Variants in ALK observed in about 807,000 individuals in gnomAD.
ALK encodes the protein ALK receptor tyrosine kinase.
Under a neutral mutation model 163.1 loss-of-function variants are expected in ALK, and 74 were observed. The observed-to-expected ratio is 0.45, with a 90% CI of 0.38 to 0.55. ALK has a LOEUF of 0.55. Among genes scored for constraint, ALK ranks in the 20% least tolerant of loss-of-function variants. The probability of loss-of-function intolerance (pLI) is 0.00; values close to 1 mark genes in which losing one functional copy is unlikely to be tolerated. For missense variants in ALK, 2,063 were observed against 2,105.3 expected, an observed-to-expected ratio of 0.98 and a Z score of 0.39; for synonymous variants, 960 against 843.2, an observed-to-expected ratio of 1.14 and a Z score of -2.40.
Position 29,775,028 on chromosome 2 carries a change from G to T in ALK, c.668-57331C>A, listed in dbSNP as rs529107876. 1.7e-4 allele frequency among the ~76,000 whole-genome samples: 26 copies of T among 152,292 alleles called. 2 individuals are homozygous for T. The highest frequency in any genetic ancestry group is 1.2e-3 in the Admixed American group (18 of 15,290). On this transcript the variant is annotated intron_variant, in intron 1 of 28. Transcript: ENST00000389048. Reference sequence around the variant, plus strand: ...TGCTCATGTTAAGCAGACAAATAGGGCCTAAGGGGAGAAAAGATGGAGACA... The same window carrying T: ...TGCTCATGTTAAGCAGACAAATAGGTCCTAAGGGGAGAAAAGATGGAGACA...
At chr2:29,255,536 G>A (rs935607365) in intron 11 of ALK, among the ~76,000 whole-genome samples, 1 of 152,190 alleles carries the variant, frequency 6.6e-6, no homozygotes, top group Non-Finnish European at 1.5e-5. Context: ...TCCAGGTGGA[G>A]AAACAGCATT....
intron 4 of ALK, among the ~76,000 whole-genome samples, chr2:29,497,279 G>GAAA (rs373042682): frequency 5.0e-4 from 74 of 147,978 alleles, no homozygotes; most frequent in Middle Eastern, 3.4e-3. Flanking sequence ...TCTCAAAAAA[G>GAAA]AAAAAAAAAA....
chr2:29,686,428 T>C (rs1241670836), intron 3 of ALK, among the ~76,000 whole-genome samples: 1 of 152,152 alleles, frequency 6.6e-6, no homozygotes, highest in Admixed American at 6.5e-5. Flanking sequence ...TGGTAGAGAT[T>C]TCTGTGCCTC....
intron 4 of ALK, among the ~76,000 whole-genome samples, chr2:29,445,875 G>A (rs1179544685): frequency 3.3e-5 from 5 of 150,928 alleles, no homozygotes; most frequent in Admixed American, 1.3e-4. Context: ...CGAGGCGGGC[G>A]GATCACGAGG....
intron 5 of ALK, among the ~76,000 whole-genome samples, chr2:29,331,050 A>G (rs559957093): frequency 1.3e-5 from 2 of 152,192 alleles, no homozygotes; most frequent in African/African-American, 2.4e-5. Context: ...CTGAAATCCC[A>G]GACAGCCGAG....
intron 3 of ALK, among the ~76,000 whole-genome samples, chr2:29,687,399 A>G (rs1678270000): frequency 6.6e-6 from 1 of 151,984 alleles, no homozygotes; most frequent in Admixed American, 6.6e-5. Context: ...CTGCTTGCCT[A>G]CTGCATCCTA....
intron 1 of ALK, among the ~76,000 whole-genome samples, chr2:29,786,320 C>T (rs895866743): frequency 2.0e-5 from 3 of 152,156 alleles, no homozygotes; most frequent in African/African-American, 7.2e-5. Context: ...ACATGAGTGG[C>T]ACTCTCTAAC....
chr2:29,424,201 A>C (rs371829038), intron 4 of ALK, among the ~76,000 whole-genome samples: 3 of 152,222 alleles, frequency 2.0e-5, no homozygotes, highest in East Asian at 3.8e-4. Context: ...CCAATAGATC[A>C]ATGTATGTGT....
rs1213067837 is a variant in ALK at position 29,758,005 on chromosome 2, CTTTTTTTTTTTTT to C, written c.668-40321_668-40309del. Among the ~76,000 whole-genome samples, 165 of 105,006 alleles carry C rather than the reference CTTTTTTTTTTTTT, an allele frequency of 1.6e-3. 1 individual carries two copies. Among genetic ancestry groups the C allele is most frequent in the African/African-American group, 7.0e-3 (145 of 20,628 alleles). The allele number at this position is 105,006 out of a possible 152,430, so 68.9% of individuals were successfully genotyped here. Reference sequence around the variant, plus strand: ...GATATTCACACCTTACCCGCATCCTCTTTTTTTTTTTTTTTTTTTTTTTGAGACAGAGTCTCAC... The same window carrying C: ...GATATTCACACCTTACCCGCATCCTCTTTTTTTTTTGAGACAGAGTCTCAC... On this transcript the variant is annotated intron_variant, in intron 1 of 28. Coordinates refer to ENST00000389048, the MANE Select transcript of ALK (RefSeq NM_004304.5).
chr2:29,288,408 G>A (rs1387885504), intron 9 of ALK, among the ~76,000 whole-genome samples: 1 of 152,172 alleles, frequency 6.6e-6, no homozygotes, highest in African/African-American at 2.4e-5. Context: ...TGTGCCTGGT[G>A]TGCTCCTACA....
intron 4 of ALK, among the ~76,000 whole-genome samples, chr2:29,485,307 T>A (rs116441695): frequency 1.9e-3 from 289 of 152,354 alleles, no homozygotes; most frequent in African/African-American, 6.5e-3. Context: ...CCAGAGTTCA[T>A]CTTATCTGCT....
intron 4 of ALK, among the ~76,000 whole-genome samples, chr2:29,521,564 G>T (rs377550159): frequency 2.0e-5 from 3 of 152,224 alleles, no homozygotes; most frequent in East Asian, 1.9e-4. Flanking sequence ...TAAAAGCAAG[G>T]AGTTTAGCCA....
intron 23 of ALK, among the ~76,000 whole-genome samples, chr2:29,218,448 T>TGA (rs111941007): frequency 4.6e-5 from 7 of 152,080 alleles, no homozygotes; most frequent in South Asian, 2.1e-4. Context: ...GTGGGGGTAG[T>TGA]GAGAGAGAGA....
intron 3 of ALK, among the ~76,000 whole-genome samples, chr2:29,643,486 G>C (rs1254107807): frequency 3.3e-5 from 5 of 152,150 alleles, no homozygotes; most frequent in Admixed American, 3.3e-4. Flanking sequence ...ATAGAGGAGT[G>C]ACAAAGCCAA....
chr2:29,370,971 G>A (rs1056978898), intron 5 of ALK, among the ~76,000 whole-genome samples: 2 of 152,230 alleles, frequency 1.3e-5, no homozygotes, highest in Admixed American at 6.5e-5. Context: ...TAATCGTTTT[G>A]TAGATACGAA....
intron 5 of ALK, among the ~76,000 whole-genome samples, chr2:29,370,026 T>G (rs1668603483): frequency 6.6e-6 from 1 of 152,058 alleles, no homozygotes; most frequent in African/African-American, 2.4e-5. Flanking sequence ...AGAGAGAGTG[T>G]GCAGGGAGCG....
intron 4 of ALK, among the ~76,000 whole-genome samples, chr2:29,424,670 A>C (rs1186408541): frequency 6.6e-6 from 1 of 152,238 alleles, no homozygotes; most frequent in African/African-American, 2.4e-5. Context: ...ATGATAGTTC[A>C]TTCATTTAGC....
intron 23 of ALK, among the ~76,000 whole-genome samples, chr2:29,218,340 C>T (rs1182492276): frequency 1.3e-5 from 2 of 152,194 alleles, no homozygotes; most frequent in Admixed American, 6.5e-5. Context: ...GGACAGGCCC[C>T]CTCCCCGTTC....
chr2:29,830,463 A>G (rs537089790), intron 1 of ALK, among the ~76,000 whole-genome samples: 1 of 152,248 alleles, frequency 6.6e-6, no homozygotes, highest in East Asian at 1.9e-4. Context: ...GACTTCAGGT[A>G]AGAGGAGCCC....
Sources: gnomAD v4.1 joint callset for allele counts (sites outside exome capture counted in the v4.1 genomes callset) on GRCh38, gnomAD v4.1.1 for gene constraint, MANE v1.5 for transcripts, NCBI Gene and HGNC (gene_info 2026-07-23, HGNC 2026-07-21) for gene names.